The following FER1L6 variants were observed in gnomAD, a reference collection of about 807,000 sequenced individuals.
The protein encoded by FER1L6 is fer-1 like family member 6, also known as fer-1-like protein 6.
A neutral mutation model predicts 219.2 loss-of-function variants in FER1L6; 177 were observed. That is an observed-to-expected ratio of 0.81 (90% CI 0.71 to 0.91). The LOEUF is 0.91. Among genes scored for constraint, FER1L6 ranks in the 40% least tolerant of loss-of-function variants. The pLI, the probability that FER1L6 is intolerant of heterozygous loss-of-function variation, is 0.00. For missense variants in FER1L6, 2,153 were observed against 2,259.9 expected (o/e 0.95, Z 0.96); for synonymous variants, 768 against 824.3 (o/e 0.93, Z 1.17).
intron 1 of FER1L6, among the ~76,000 whole-genome samples, chr8:123,892,107 A>T (rs2129700883): frequency 6.6e-6 from 1 of 152,326 alleles, no homozygotes; most frequent in Middle Eastern, 3.4e-3. Flanking sequence ...CCTTATGGTC[A>T]AACTGATTAA....
chr8:123,856,486 T>C (rs1816652177), intron 1 of FER1L6, among the ~76,000 whole-genome samples: 1 of 151,414 alleles, frequency 6.6e-6, no homozygotes, highest in African/African-American at 2.4e-5. Context: ...AGCCGTGCCC[T>C]TGTGTAAGTC....
At chr8:123,973,757 G>A (rs1400790876) in intron 7 of FER1L6, among the ~76,000 whole-genome samples, 1 of 152,148 alleles carries the variant, frequency 6.6e-6, no homozygotes, top group Admixed American at 6.5e-5. Context: ...TCGAGATATG[G>A]ACAGGAGAGG....
chr8:124,112,618 A>G (rs1000233640), intron 39 of FER1L6, among the ~76,000 whole-genome samples: 3 of 152,232 alleles, frequency 2.0e-5, no homozygotes, highest in African/African-American at 7.2e-5. Flanking sequence ...GGTAAATTCT[A>G]TCCCTGGTAC....
At chr8:123,956,188 G>A (rs1047319199) in intron 2 of FER1L6, 114 bp downstream of exon 2, 87 of 953,374 alleles carry the variant, frequency 9.1e-5, no homozygotes, top group Non-Finnish European at 1.3e-4. Flanking sequence ...GTGTGAATGT[G>A]CTGCCCCCGA....
chr8:123,883,378 A>T (rs897177078), intron 1 of FER1L6, among the ~76,000 whole-genome samples: 3 of 152,178 alleles, frequency 2.0e-5, no homozygotes, highest in African/African-American at 7.2e-5. Flanking sequence ...GCCTAGAGGA[A>T]TCTAGGCATT....
At chr8:123,865,971 G>A (rs1260933404) in intron 1 of FER1L6, among the ~76,000 whole-genome samples, 2 of 151,138 alleles carry the variant, frequency 1.3e-5, no homozygotes, top group Admixed American at 6.6e-5. Context: ...GCTGTAGACC[G>A]GAGCTGTTCC....
intron 1 of FER1L6, among the ~76,000 whole-genome samples, chr8:123,913,530 G>A (rs1369598700): frequency 1.3e-5 from 2 of 152,084 alleles, no homozygotes; most frequent in Admixed American, 6.6e-5. Flanking sequence ...CACCTCTACT[G>A]TTTATTAGCC....
intron 33 of FER1L6, among the ~76,000 whole-genome samples, chr8:124,084,441 C>A (rs2130921604): frequency 6.6e-6 from 1 of 152,054 alleles, no homozygotes; most frequent in South Asian, 2.1e-4. Context: ...CTTCTATACT[C>A]AAGTTTTTTG....
intron 11 of FER1L6, 72 bp downstream of exon 11, chr8:123,980,883 G>T: frequency 1.6e-6 from 2 of 1,277,284 alleles, no homozygotes; most frequent in Non-Finnish European, 2.2e-6. Context: ...CCTGCCACAG[G>T]TTCCTGAAGG....
At chr8:124,015,607 A>ATATATATATATATGTATGTATG (rs71289634) in intron 15 of FER1L6, among the ~76,000 whole-genome samples, 20 of 88,594 alleles carry the variant, frequency 2.3e-4, no homozygotes, top group African/African-American at 8.2e-4. Flanking sequence ...ATATATATAT[A>ATATATATATATATGTATGTATG]TATATATATT....
At chr8:124,092,093 T>C (rs1822061862) in intron 34 of FER1L6, among the ~76,000 whole-genome samples, 1 of 152,228 alleles carries the variant, frequency 6.6e-6, no homozygotes, top group Admixed American at 6.5e-5. Flanking sequence ...TGGCATATTT[T>C]CTTGCACTTG....
At chr8:123,858,532 C>T (rs560102946) in intron 1 of FER1L6, among the ~76,000 whole-genome samples, 1 of 152,214 alleles carries the variant, frequency 6.6e-6, no homozygotes, top group East Asian at 1.9e-4. Context: ...GGGGACTGTG[C>T]CATCTTCAAC....
intron 12 of FER1L6, among the ~76,000 whole-genome samples, chr8:123,988,669 GA>G (rs1481097392): frequency 6.6e-6 from 1 of 152,092 alleles, no homozygotes; most frequent in Non-Finnish European, 1.5e-5. Flanking sequence ...TTTAAATGTT[GA>G]TTTTGCATCC....
chr8:124,078,199 G>GGAT (rs1200471966), intron 32 of FER1L6, among the ~76,000 whole-genome samples: 1 of 152,160 alleles, frequency 6.6e-6, no homozygotes, highest in East Asian at 1.9e-4. Context: ...ATGGATGGAT[G>GGAT]GATGGGTGGG....
chr8:124,119,377 T>TA (rs2131056769), intron 40 of FER1L6, among the ~76,000 whole-genome samples: 1 of 152,208 alleles, frequency 6.6e-6, no homozygotes, highest in Admixed American at 6.5e-5. Context: ...GGCTGGGTTC[T>TA]AACTGGACTC....
chr8:123,883,721 T>C (rs1241184646), intron 1 of FER1L6, among the ~76,000 whole-genome samples: 3 of 152,162 alleles, frequency 2.0e-5, no homozygotes, highest in Non-Finnish European at 1.5e-5. Flanking sequence ...CAGTCTTTGC[T>C]TCTGGGATGA....
At chr8:123,868,181 G>A (rs557948282) in intron 1 of FER1L6, among the ~76,000 whole-genome samples, 41 of 152,294 alleles carry the variant, frequency 2.7e-4, no homozygotes, top group South Asian at 1.4e-3. Flanking sequence ...ATCTGGGTAG[G>A]TGACTTCATC....
At chr8:123,906,294 A>G (rs1812951944) in intron 1 of FER1L6, among the ~76,000 whole-genome samples, 1 of 152,238 alleles carries the variant, frequency 6.6e-6, no homozygotes, top group Admixed American at 6.5e-5. Context: ...GTGTAGTAAG[A>G]AGTATCTAGT....
At position 124,119,591 on chromosome 8, in the gene FER1L6, C is replaced by G; in HGVS notation, c.5391-16C>G. 1 of 1,576,668 alleles carries G rather than the reference C, an allele frequency of 6.3e-7. No homozygotes were observed. The highest frequency in any genetic ancestry group is 8.7e-7 in the Non-Finnish European group (1 of 1,153,374). ...CAGGATGCCCCCTTTTTGATTTTCT[C>G]TTCCTTCCCCCTCAGCCGCCCAGAC... On this transcript the variant is annotated splice_polypyrimidine_tract_variant and intron_variant, in intron 40 of 40. Coordinates refer to ENST00000522917, the MANE Select transcript of FER1L6 (RefSeq NM_001039112.2).
Sources: allele counts gnomAD v4.1 joint callset (sites outside exome capture counted in the v4.1 genomes callset), GRCh38; gene constraint gnomAD v4.1.1; transcripts MANE v1.5; gene names NCBI Gene and HGNC (gene_info 2026-07-23, HGNC 2026-07-21).